ZNF521: variants seen among roughly 807,000 people sequenced by gnomAD.
ZNF521 encodes the protein zinc finger protein 521, also known as LYST-interacting protein 3.
In ZNF521, 14 loss-of-function variants were observed where a neutral mutation model predicts 105.5. The observed-to-expected ratio is 0.13, with a 90% CI of 0.09 to 0.21. The LOEUF (loss-of-function observed/expected upper bound fraction) is 0.21, where lower values mean the gene tolerates loss of function less well. Among genes scored for constraint, ZNF521 ranks in the 10% least tolerant of loss-of-function variants. The pLI, the probability that ZNF521 is intolerant of heterozygous loss-of-function variation, is 1.00. For missense variants in ZNF521, 1,233 were observed against 1,629.7 expected (o/e 0.76, Z 4.19); for synonymous variants, 635 against 606.0 (o/e 1.05, Z -0.70).
At chr18:25,321,760 A>C (rs143577789) in intron 3 of ZNF521, among the ~76,000 whole-genome samples, 1 of 152,346 alleles carries the variant, frequency 6.6e-6, no homozygotes, top group African/African-American at 2.4e-5. Flanking sequence ...CATGTAAAAA[A>C]AAGCAAAAAG....
chr18:25,223,445 C>T (rs1948471945), intron 4 of ZNF521, among the ~76,000 whole-genome samples: 1 of 152,130 alleles, frequency 6.6e-6, no homozygotes. Flanking sequence ...AATGCAGTAA[C>T]CCCAAACTGA....
chr18:25,108,623 A>C (rs1056742171), intron 5 of ZNF521, among the ~76,000 whole-genome samples: 1 of 152,084 alleles, frequency 6.6e-6, no homozygotes, highest in African/African-American at 2.4e-5. Context: ...TATGGTTAGA[A>C]ATTTGATATT....
intron 5 of ZNF521, among the ~76,000 whole-genome samples, chr18:25,143,321 A>ATCCC (rs2034885550): frequency 6.6e-6 from 1 of 152,162 alleles, no homozygotes; most frequent in Non-Finnish European, 1.5e-5. Flanking sequence ...CTGGTAAGAG[A>ATCCC]CGGGGATATA....
intron 3 of ZNF521, among the ~76,000 whole-genome samples, chr18:25,254,534 T>C (rs1419386267): frequency 6.6e-6 from 1 of 152,156 alleles, no homozygotes; most frequent in East Asian, 1.9e-4. Context: ...TTTGTGGTTG[T>C]GGCTGATTTA....
At chr18:25,085,354 C>T (rs191299077) in intron 7 of ZNF521, among the ~76,000 whole-genome samples, 71 of 151,650 alleles carry the variant, frequency 4.7e-4, no homozygotes, top group African/African-American at 1.5e-3. Flanking sequence ...GTGTGATGAA[C>T]GTAACTTCTA....
intron 3 of ZNF521, among the ~76,000 whole-genome samples, chr18:25,309,979 T>C (rs1451102347): frequency 6.6e-6 from 1 of 152,198 alleles, no homozygotes; most frequent in Admixed American, 6.5e-5. Flanking sequence ...TCTATAAAAG[T>C]TTATTTTGCA....
chr18:25,116,992 C>T (rs1424430811), intron 5 of ZNF521, among the ~76,000 whole-genome samples: 7 of 139,712 alleles, frequency 5.0e-5, no homozygotes, highest in African/African-American at 2.0e-4. Context: ...TATACACACA[C>T]ACATATATAT....
intron 3 of ZNF521, among the ~76,000 whole-genome samples, chr18:25,245,395 C>T (rs1483282351): frequency 6.6e-6 from 1 of 152,266 alleles, no homozygotes; most frequent in East Asian, 1.9e-4. Context: ...GGTACATTTG[C>T]TACAACTGAT....
chr18:25,295,098 T>C (rs186869662), intron 3 of ZNF521, among the ~76,000 whole-genome samples: 1 of 152,266 alleles, frequency 6.6e-6, no homozygotes, highest in African/African-American at 2.4e-5. Context: ...GTGTCCCTCC[T>C]CATCACTACC....
chr18:25,164,680 C>A (rs1160823648), intron 5 of ZNF521, among the ~76,000 whole-genome samples: 1 of 152,112 alleles, frequency 6.6e-6, no homozygotes, highest in African/African-American at 2.4e-5. Context: ...TTGGGTCAGA[C>A]TATGTGTGAA....
chr18:25,277,891 T>C (rs921437467), intron 3 of ZNF521, among the ~76,000 whole-genome samples: 1 of 152,106 alleles, frequency 6.6e-6, no homozygotes, highest in African/African-American at 2.4e-5. Context: ...TTTTCAAGGA[T>C]GCCACAATCT....
At chr18:25,281,724 T>C (rs1047747384) in intron 3 of ZNF521, among the ~76,000 whole-genome samples, 2 of 152,178 alleles carry the variant, frequency 1.3e-5, no homozygotes, top group African/African-American at 4.8e-5. Context: ...GAGCTAGAAA[T>C]TGCGCTCAGG....
chr18:25,250,313 G>A (rs1908025462), intron 3 of ZNF521, among the ~76,000 whole-genome samples: 1 of 152,172 alleles, frequency 6.6e-6, no homozygotes, highest in African/African-American at 2.4e-5. Flanking sequence ...GGGACTGGGT[G>A]GCTAAAAAGA....
intron 3 of ZNF521, among the ~76,000 whole-genome samples, chr18:25,250,000 G>A (rs545644834): frequency 3.3e-5 from 5 of 152,150 alleles, no homozygotes; most frequent in African/African-American, 2.4e-5. Flanking sequence ...GTGCTGTGGC[G>A]CAATCTCGGC....
intron 3 of ZNF521, among the ~76,000 whole-genome samples, chr18:25,277,208 TA>T (rs1257342214): frequency 6.6e-6 from 1 of 152,056 alleles, no homozygotes; most frequent in Non-Finnish European, 1.5e-5. Flanking sequence ...GTGTATCTAT[TA>T]CATCAGAATG....
At chr18:25,293,811 G>C (rs924387795) in intron 3 of ZNF521, among the ~76,000 whole-genome samples, 3 of 152,156 alleles carry the variant, frequency 2.0e-5, no homozygotes, top group Non-Finnish European at 4.4e-5. Flanking sequence ...GCCTCTACCA[G>C]AGGATATTTT....
intron 5 of ZNF521, among the ~76,000 whole-genome samples, chr18:25,194,787 C>T (rs1375801368): frequency 6.6e-6 from 1 of 151,736 alleles, no homozygotes; most frequent in Non-Finnish European, 1.5e-5. Context: ...CAACGCACAA[C>T]AGTGCCATTA....
At chr18:25,129,291 C>T (rs373514993) in intron 5 of ZNF521, among the ~76,000 whole-genome samples, 1 of 146,536 alleles carries the variant, frequency 6.8e-6, no homozygotes, top group South Asian at 2.1e-4. Context: ...ATTAATTAAT[C>T]TGTGTCTAGA....
chr18:25,121,111 A>AT (rs5823467), intron 5 of ZNF521, among the ~76,000 whole-genome samples: 5,477 of 118,614 alleles, frequency 0.046, 613 homozygotes, highest in African/African-American at 0.15. Context: ...AAGAAGGAGT[A>AT]TTTTTTTTTT....
Sources: allele counts gnomAD v4.1 joint callset (sites outside exome capture counted in the v4.1 genomes callset), GRCh38; gene constraint gnomAD v4.1.1; transcripts MANE v1.5; gene names NCBI Gene and HGNC (gene_info 2026-07-23, HGNC 2026-07-21).